WLS: variants seen among roughly 807,000 people sequenced by gnomAD.
WLS encodes Wnt ligand secretion mediator, also known as protein wntless homolog.
In WLS, 23 loss-of-function variants were observed where a neutral mutation model predicts 62.8. The observed-to-expected ratio is 0.37, with a 90% confidence interval of 0.26 to 0.52. WLS has a LOEUF of 0.52. Ranked by LOEUF, WLS falls within the 20% of genes least tolerant of loss-of-function variation. The probability of loss-of-function intolerance (pLI) is 0.92; values close to 1 mark genes in which losing one functional copy is unlikely to be tolerated. For synonymous variants in WLS, 246 were observed against 244.1 expected, an observed-to-expected ratio of 1.01 and a Z score of -0.07; for missense variants, 615 against 697.3, an observed-to-expected ratio of 0.88 and a Z score of 1.33.
chr1:68,124,974 G>C (rs1446882751), downstream of WLS, among the ~76,000 whole-genome samples: 1 of 152,194 alleles, frequency 6.6e-6, no homozygotes, highest in East Asian at 1.9e-4. Flanking sequence ...AAAGTTTATC[G>C]ATATAAGTGA....
rs183513972 is a variant in WLS at position 68,179,422 on chromosome 1, T to C, written c.379+14533A>G. Among the ~76,000 whole-genome samples the C allele has an allele frequency of 1.4e-3, 207 of 152,228 alleles. 4 individuals carry two copies. Among genetic ancestry groups the C allele is most frequent in the Admixed American group, 0.011 (173 of 15,284 alleles). On this transcript the variant is annotated intron_variant, in intron 2 of 11. Transcript: ENST00000262348. Reference sequence around the variant, plus strand: ...GGAGTCCTAACATCATGTACACTCATAGCCTCTCGACTTCCCAGCTGGGAG... The same window carrying C: ...GGAGTCCTAACATCATGTACACTCACAGCCTCTCGACTTCCCAGCTGGGAG...
At chr1:68,200,075 G>C (rs1315688952) in intron 1 of WLS, among the ~76,000 whole-genome samples, 1 of 152,132 alleles carries the variant, frequency 6.6e-6, no homozygotes, top group Non-Finnish European at 1.5e-5. Context: ...CTGTTTATAA[G>C]AATTAATAAT....
chr1:68,161,688 G>T, intron 2 of WLS: 2 of 1,159,142 alleles, frequency 1.7e-6, no homozygotes, highest in South Asian at 1.4e-5. Context: ...TTTTCTCTTA[G>T]TTCATCATTT....
At chr1:68,162,932 G>A (rs796501372) in intron 2 of WLS, 8 of 1,582,928 alleles carry the variant, frequency 5.1e-6, no homozygotes, top group South Asian at 1.1e-5. Context: ...CAGTGGCCAG[G>A]TCTTTCAGGA....
chr1:68,150,152 C>G, intron 6 of WLS, 36 bp downstream of exon 6: 2 of 1,606,022 alleles, frequency 1.2e-6, no homozygotes, highest in Non-Finnish European at 1.7e-6. Context: ...CACAGAGCAG[C>G]TGGTACAGAC....
At position 68,104,638 on chromosome 1, in the gene WLS, G is replaced by A. The variant is rs538757605; in HGVS notation, c.1511-5885C>T. On this transcript the variant is annotated intron_variant, in intron 11 of 11. Coordinates refer to the WLS transcript ENST00000354777. ...AAAATTCAGGATTGCAGCCTGGTGC[G>A]ATGGCTTGCACCTATAATCCCAGCA... is the stretch of plus-strand genomic sequence containing the variant. Among the ~76,000 whole-genome samples, 10 of 152,280 alleles carry A rather than the reference G, an allele frequency of 6.6e-5. No homozygotes were observed. The East Asian group carries it at 9.6e-4, about 15-fold the overall frequency.
At chr1:68,203,581 C>T (rs985819776) in intron 1 of WLS, among the ~76,000 whole-genome samples, 2 of 152,192 alleles carry the variant, frequency 1.3e-5, no homozygotes, top group African/African-American at 4.8e-5. Context: ...ATGCACTAAA[C>T]TCCCTTGAAT....
intron 1 of WLS, among the ~76,000 whole-genome samples, chr1:68,205,472 C>G (rs1170424393): frequency 1.3e-5 from 2 of 152,164 alleles, no homozygotes; most frequent in African/African-American, 4.8e-5. Context: ...AACTGCTGTT[C>G]AGCATAGTTC....
chr1:68,127,669 T>C (rs1452400613), intron 11 of WLS, among the ~76,000 whole-genome samples: 3 of 152,208 alleles, frequency 2.0e-5, no homozygotes, highest in Non-Finnish European at 2.9e-5. Context: ...ATTGTGCACA[T>C]ATCATATGAT....
intron 2 of WLS, among the ~76,000 whole-genome samples, chr1:68,175,032 A>G (rs1280180895): frequency 6.6e-6 from 1 of 152,180 alleles, no homozygotes; most frequent in Non-Finnish European, 1.5e-5. Flanking sequence ...TGTAGGTGGG[A>G]CTAATTTCTA....
Position 68,145,794 on chromosome 1 carries a change from GGT to G in WLS, c.1278+73_1278+74del, listed in dbSNP as rs1646745057. 3.2e-6 allele frequency: 5 copies of G among 1,569,522 alleles called. No individual in the cohort carries two copies. The African/African-American group carries it at 4.1e-5, about 13-fold the overall frequency. ...CAAAGTAAAGGCTTTCTATCTCCAG[GGT>G]GTGTGTGTTTACACATCAAGTGGAA... On this transcript the variant is annotated intron_variant, in intron 9 of 11. Transcript: ENST00000262348.
intron 2 of WLS, among the ~76,000 whole-genome samples, chr1:68,186,012 A>T (rs1647916921): frequency 1.3e-5 from 2 of 152,174 alleles, no homozygotes; most frequent in South Asian, 4.1e-4. Context: ...GCTATCTGGG[A>T]GTCCCCAGCC....
chr1:68,098,918 C>T (rs556153143), intron 11 of WLS: 45 of 1,080,400 alleles, frequency 4.2e-5, no homozygotes, highest in Admixed American at 9.2e-5. Flanking sequence ...CATTGTGGGA[C>T]ATTTGCAGAT....
intron 2 of WLS, among the ~76,000 whole-genome samples, chr1:68,160,374 T>C (rs1350409192): frequency 6.6e-6 from 1 of 152,126 alleles, no homozygotes; most frequent in Non-Finnish European, 1.5e-5. Flanking sequence ...GACTTGATAA[T>C]GATGGACTTG....
intron 2 of WLS, among the ~76,000 whole-genome samples, chr1:68,182,524 G>T (rs1647647555): frequency 6.6e-6 from 1 of 152,164 alleles, no homozygotes; most frequent in Non-Finnish European, 1.5e-5. Context: ...GATTTCAGTT[G>T]CTTTCTATAC....
At chr1:68,174,218 C>G (rs557538183) in intron 2 of WLS, among the ~76,000 whole-genome samples, 213 of 152,296 alleles carry the variant, frequency 1.4e-3, no homozygotes, top group Non-Finnish European at 2.6e-3. Context: ...ATCACGGCAC[C>G]CCAACATTCC....
chr1:68,203,176 G>A (rs568004251), intron 1 of WLS, among the ~76,000 whole-genome samples: 1 of 152,010 alleles, frequency 6.6e-6, no homozygotes, highest in Non-Finnish European at 1.5e-5. Flanking sequence ...ATAGATTATC[G>A]AATCCACCTA....
intron 1 of WLS, among the ~76,000 whole-genome samples, chr1:68,210,971 G>C (rs898645828): frequency 2.0e-5 from 3 of 152,106 alleles, no homozygotes; most frequent in Admixed American, 6.5e-5. Flanking sequence ...CAGACACTCT[G>C]ATGCCTCTTT....
chr1:68,175,011 G>A (rs1344868156), intron 2 of WLS, among the ~76,000 whole-genome samples: 1 of 152,166 alleles, frequency 6.6e-6, no homozygotes, highest in Non-Finnish European at 1.5e-5. Flanking sequence ...ACATCCATGA[G>A]CTTTATGTCC....
Sources: allele counts gnomAD v4.1 joint callset (sites outside exome capture counted in the v4.1 genomes callset), GRCh38; gene constraint gnomAD v4.1.1; transcripts MANE v1.5; gene names NCBI Gene and HGNC (gene_info 2026-07-23, HGNC 2026-07-21).